The following MDGA2 variants were observed in gnomAD, a reference collection of about 807,000 sequenced individuals.
MDGA2 encodes the protein MAM domain containing glycosylphosphatidylinositol anchor 2, also known as MAM domain-containing glycosylphosphatidylinositol anchor protein 2.
A neutral mutation model predicts 117.8 loss-of-function variants in MDGA2; 40 were observed. That is an observed-to-expected ratio of 0.34 (90% confidence interval 0.26 to 0.44). MDGA2 has a LOEUF of 0.44. MDGA2 is among the 20% of genes least tolerant of loss of function. The probability of loss-of-function intolerance (pLI) is 1.00; values close to 1 mark genes in which losing one functional copy is unlikely to be tolerated. For missense variants in MDGA2, 1,123 were observed against 1,250.6 expected (o/e 0.90, Z 1.54); for synonymous variants, 452 against 439.0 (o/e 1.03, Z -0.37).
At chr14:47,109,538 T>C (rs1880921031) in intron 5 of MDGA2, among the ~76,000 whole-genome samples, 1 of 151,958 alleles carries the variant, frequency 6.6e-6, no homozygotes, top group East Asian at 1.9e-4. Context: ...CCCAGAAGAG[T>C]ATTTGACAAA....
At chr14:47,301,010 A>G (rs1161325795) in intron 2 of MDGA2, among the ~76,000 whole-genome samples, 3 of 152,146 alleles carry the variant, frequency 2.0e-5, no homozygotes, top group African/African-American at 7.2e-5. Flanking sequence ...TCTTCAGAAC[A>G]AATACCTCTC....
At chr14:47,229,167 T>C (rs1339754501) in intron 2 of MDGA2, among the ~76,000 whole-genome samples, 1 of 152,130 alleles carries the variant, frequency 6.6e-6, no homozygotes, top group Non-Finnish European at 1.5e-5. Flanking sequence ...TACACATATA[T>C]AGTATACCGC....
At chr14:47,394,845 T>C (rs1423908309) in intron 1 of MDGA2, among the ~76,000 whole-genome samples, 1 of 152,186 alleles carries the variant, frequency 6.6e-6, no homozygotes, top group Non-Finnish European at 1.5e-5. Context: ...TATAAAGTTA[T>C]GTATTAAAGA....
chr14:47,042,824 A>G (rs1436641918), intron 7 of MDGA2, among the ~76,000 whole-genome samples: 2 of 152,140 alleles, frequency 1.3e-5, no homozygotes, highest in African/African-American at 4.8e-5. Context: ...AGTGTAAGTG[A>G]GAATAATGTC....
At position 47,634,094 on chromosome 14, in the gene MDGA2, A is replaced by G. The variant is rs1276296397; in HGVS notation, c.280+40423T>C. 2.0e-5 allele frequency among the ~76,000 whole-genome samples: 3 copies of G among 152,152 alleles called. No homozygotes were observed. The East Asian group carries it at 5.8e-4, about 29-fold the overall frequency. On this transcript the variant is annotated intron_variant, in intron 1 of 16. Coordinates refer to ENST00000399232, the MANE Select transcript of MDGA2 (RefSeq NM_001113498.3). Reference sequence around the variant, plus strand: ...TTTGGAAAAATGTTTGTATAGTTTGACTCAGTAATCCTCTCTCAAGGAATT... The same window carrying G: ...TTTGGAAAAATGTTTGTATAGTTTGGCTCAGTAATCCTCTCTCAAGGAATT...
At chr14:47,569,242 A>G (rs1895974845) in intron 1 of MDGA2, among the ~76,000 whole-genome samples, 1 of 152,182 alleles carries the variant, frequency 6.6e-6, no homozygotes, top group Middle Eastern at 3.2e-3. Context: ...GGATTATGAA[A>G]TAATATGTGT....
intron 3 of MDGA2, among the ~76,000 whole-genome samples, chr14:47,161,927 CTTTTTTTTTTTTTTTTTTTTTTTTT>C (rs71112489): frequency 1.9e-5 from 1 of 52,472 alleles, no homozygotes; most frequent in East Asian, 5.6e-4. Context: ...TCCCCAGATC[CTTTTTTTTTTTTTTTTTTTTTTTTT>C]TTTTTTTTTT....
chr14:47,634,701 G>A (rs972619053), intron 1 of MDGA2, among the ~76,000 whole-genome samples: 14 of 152,014 alleles, frequency 9.2e-5, no homozygotes, highest in African/African-American at 3.4e-4. Flanking sequence ...CTTAGTAGCA[G>A]TTAATCTGAC....
intron 1 of MDGA2, among the ~76,000 whole-genome samples, chr14:47,574,451 C>CT (rs763949505): frequency 2.6e-5 from 4 of 152,142 alleles, no homozygotes; most frequent in Non-Finnish European, 4.4e-5. Flanking sequence ...TATTCCAACT[C>CT]TGTATTTCTT....
chr14:46,859,810 C>T (rs150338831), intron 14 of MDGA2, among the ~76,000 whole-genome samples: 173 of 152,018 alleles, frequency 1.1e-3, no homozygotes, highest in African/African-American at 3.6e-3. Context: ...TTAATATATA[C>T]GCTTCACAAT....
intron 4 of MDGA2, among the ~76,000 whole-genome samples, chr14:47,134,240 A>G (rs185962007): frequency 6.6e-6 from 1 of 152,090 alleles, no homozygotes; most frequent in African/African-American, 2.4e-5. Context: ...GGCACGTGAC[A>G]CAGGGCTTAG....
chr14:47,359,272 T>A (rs2138365672), intron 1 of MDGA2, among the ~76,000 whole-genome samples: 1 of 152,254 alleles, frequency 6.6e-6, no homozygotes, highest in Admixed American at 6.5e-5. Flanking sequence ...GAGAATCGCT[T>A]GAACCCGGGA....
At chr14:47,100,673 ATATT>A (rs1303068826) in intron 5 of MDGA2, among the ~76,000 whole-genome samples, 41 of 152,198 alleles carry the variant, frequency 2.7e-4, no homozygotes, top group Non-Finnish European at 4.7e-4. Context: ...ACAGTATGAA[ATATT>A]TATTTGAGAT....
chr14:47,122,866 A>G (rs1881723313), intron 5 of MDGA2, among the ~76,000 whole-genome samples: 1 of 152,082 alleles, frequency 6.6e-6, no homozygotes, highest in African/African-American at 2.4e-5. Context: ...AAAAAATCCT[A>G]TTACTTTATT....
At chr14:46,988,229 T>A (rs1020839097) in intron 8 of MDGA2, among the ~76,000 whole-genome samples, 1 of 151,632 alleles carries the variant, frequency 6.6e-6, no homozygotes, top group Non-Finnish European at 1.5e-5. Flanking sequence ...CCATAAATTA[T>A]GAAGAAGGAA....
intron 8 of MDGA2, among the ~76,000 whole-genome samples, chr14:46,968,363 AT>A (rs1403273403): frequency 6.6e-6 from 1 of 152,320 alleles, no homozygotes; most frequent in African/African-American, 2.4e-5. Context: ...TCCCAAAAAA[AT>A]ATAACCACAT....
At chr14:46,878,701 C>T (rs962254524) in intron 11 of MDGA2, among the ~76,000 whole-genome samples, 1 of 151,740 alleles carries the variant, frequency 6.6e-6, no homozygotes, top group Non-Finnish European at 1.5e-5. Flanking sequence ...CTAAAAATAA[C>T]AATTTAATTT....
intron 1 of MDGA2, among the ~76,000 whole-genome samples, chr14:47,568,180 A>G (rs1895954197): frequency 6.6e-6 from 1 of 152,210 alleles, no homozygotes; most frequent in African/African-American, 2.4e-5. Context: ...TGCTGTCTAT[A>G]TAGACTAAAG....
At chr14:47,541,929 A>G (rs1165711935) in intron 1 of MDGA2, among the ~76,000 whole-genome samples, 1 of 152,210 alleles carries the variant, frequency 6.6e-6, no homozygotes, top group Non-Finnish European at 1.5e-5. Flanking sequence ...AAAGTAAAAT[A>G]CTGGTGCTGT....
Sources: gnomAD v4.1 joint callset for allele counts (sites outside exome capture counted in the v4.1 genomes callset) on GRCh38, gnomAD v4.1.1 for gene constraint, MANE v1.5 for transcripts, NCBI Gene and HGNC (gene_info 2026-07-23, HGNC 2026-07-21) for gene names.